Variants in TNFSF4 observed in about 807,000 individuals in gnomAD.
The protein encoded by TNFSF4 is TNF superfamily member 4.
Under a neutral mutation model 7.3 loss-of-function variants are expected in TNFSF4, and 4 were observed. That is an observed-to-expected ratio of 0.55 (90% CI 0.27 to 1.25). The LOEUF is 1.25. TNFSF4 is among the 50% of genes most tolerant of loss of function. The probability of loss-of-function intolerance (pLI) is 0.12; values close to 1 mark genes in which losing one functional copy is unlikely to be tolerated. For missense variants in TNFSF4, 181 were observed against 208.8 expected (o/e 0.87, Z 0.82); for synonymous variants, 76 against 83.7 (o/e 0.91, Z 0.50).
chr1:173,184,921 C>A lies in TNFSF4; in HGVS notation c.*1595G>T, dbSNP rs563951984. ...ATTCCTCTTACCTTACCTACAATTT[C>A]TTCTATTTAGCATTTTTATTTACCT... On this transcript the variant is annotated 3_prime_UTR_variant, in exon 3 of 3. Coordinates refer to ENST00000281834, the MANE Select transcript of TNFSF4 (RefSeq NM_003326.5). The A allele has an allele frequency of 6.6e-6, 1 of 152,262 alleles. No individual in the cohort carries two copies. The highest frequency in any genetic ancestry group is 2.4e-5 in the African/African-American group (1 of 41,554). 9.4% of individuals were successfully genotyped at this position (152,262 alleles called of 1,614,324 possible).
chr1:173,348,430 G>C, the TNFSF4 span, among the ~76,000 whole-genome samples: 1 of 152,076 alleles, frequency 6.6e-6, no homozygotes, highest in Non-Finnish European at 1.5e-5. Context: ...TCTTTCTTTT[G>C]TAAATTGCCC....
chr1:173,251,752 A>G, the TNFSF4 span, among the ~76,000 whole-genome samples: 1 of 152,226 alleles, frequency 6.6e-6, no homozygotes, highest in South Asian at 2.1e-4. Context: ...TACCTGGGAA[A>G]TTGTCAATAA....
chr1:173,426,391 A>C, the TNFSF4 span, among the ~76,000 whole-genome samples: 10 of 152,158 alleles, frequency 6.6e-5, no homozygotes, highest in Non-Finnish European at 2.9e-5. Flanking sequence ...CTGCTTCTTT[A>C]GTTCAAAATA....
At chr1:173,335,449 C>T in the TNFSF4 span, among the ~76,000 whole-genome samples, 8 of 152,190 alleles carry the variant, frequency 5.3e-5, no homozygotes, top group East Asian at 9.6e-4. Flanking sequence ...TACCTAAATG[C>T]AATGGAGGTA....
At chr1:173,375,833 G>A in the TNFSF4 span, among the ~76,000 whole-genome samples, 12 of 152,188 alleles carry the variant, frequency 7.9e-5, no homozygotes, top group East Asian at 3.9e-4. Context: ...TTGTTCTTTC[G>A]CTCTTCACAA....
chr1:173,243,797 G>C, the TNFSF4 span, among the ~76,000 whole-genome samples: 2 of 152,096 alleles, frequency 1.3e-5, no homozygotes, highest in Non-Finnish European at 2.9e-5. Flanking sequence ...TCATATCCCT[G>C]TCTTCCCCAT....
chr1:173,255,456 T>G, the TNFSF4 span, among the ~76,000 whole-genome samples: 1 of 152,198 alleles, frequency 6.6e-6, no homozygotes, highest in African/African-American at 2.4e-5. Flanking sequence ...GGAGAAGTAT[T>G]ATTTAGGTTT....
At chr1:173,351,156 C>G in the TNFSF4 span, among the ~76,000 whole-genome samples, 1 of 152,352 alleles carries the variant, frequency 6.6e-6, no homozygotes, top group East Asian at 1.9e-4. Context: ...TCTCTCTCCT[C>G]ACATCCTGAG....
At chr1:173,434,137 A>G in the TNFSF4 span, among the ~76,000 whole-genome samples, 6 of 152,250 alleles carry the variant, frequency 3.9e-5, no homozygotes, top group African/African-American at 9.6e-5. Flanking sequence ...CACCAGAATC[A>G]TAAGACACAC....
At chr1:173,208,416 G>A (rs1310448287), upstream of TNFSF4, among the ~76,000 whole-genome samples, 2 of 152,096 alleles carry the variant, frequency 1.3e-5, no homozygotes, top group African/African-American at 4.8e-5. Context: ...AGTATGAGTT[G>A]TTATACCACT....
At chr1:173,227,798 A>C in the TNFSF4 span, among the ~76,000 whole-genome samples, 150,307 of 152,366 alleles carry the variant, frequency 0.99, 74,145 homozygotes, top group East Asian at 1. Context: ...TATCCCACGC[A>C]TGGCTTGGAG....
At chr1:173,361,020 G>A in the TNFSF4 span, among the ~76,000 whole-genome samples, 2 of 152,194 alleles carry the variant, frequency 1.3e-5, no homozygotes, top group Non-Finnish European at 2.9e-5. Flanking sequence ...GAAAGATAGA[G>A]AGATGAAGAA....
At chr1:173,208,046 A>G (rs1308924846), upstream of TNFSF4, among the ~76,000 whole-genome samples, 1 of 152,212 alleles carries the variant, frequency 6.6e-6, no homozygotes, top group East Asian at 1.9e-4. Context: ...CCATGAATGA[A>G]CAAATGAATA....
chr1:173,407,826 T>C, the TNFSF4 span, among the ~76,000 whole-genome samples: 1 of 152,042 alleles, frequency 6.6e-6, no homozygotes, highest in Non-Finnish European at 1.5e-5. Context: ...GGTTTGACAG[T>C]TTTTATCCCC....
the TNFSF4 span, among the ~76,000 whole-genome samples, chr1:173,227,587 G>A: frequency 6.6e-6 from 1 of 152,014 alleles, no homozygotes; most frequent in Non-Finnish European, 1.5e-5. Flanking sequence ...AGCACAGTGG[G>A]TGCAGAGCAG....
At chr1:173,260,234 C>T in the TNFSF4 span, among the ~76,000 whole-genome samples, 1 of 152,108 alleles carries the variant, frequency 6.6e-6, no homozygotes, top group Admixed American at 6.5e-5. Flanking sequence ...TCTTATCCAA[C>T]CAAATGAAGC....
At position 173,185,454 on chromosome 1, in the gene TNFSF4, G is replaced by C. The variant is rs891342871; in HGVS notation, c.*1062C>G. The C allele has an allele frequency of 2.0e-5, 3 of 152,134 alleles. No homozygotes were observed. Among genetic ancestry groups the C allele is most frequent in the African/African-American group, 7.2e-5 (3 of 41,428 alleles). 9.4% of individuals were successfully genotyped at this position (152,134 alleles called of 1,614,324 possible). A position where few individuals can be genotyped will look rare whatever the true frequency, so the allele number is the denominator to read the frequency against. On this transcript the variant is annotated 3_prime_UTR_variant, in exon 3 of 3. Transcript: ENST00000281834. The stretch of plus-strand genomic sequence containing the variant: ...ATGGTCTATGGTATTTCTAGACAGA[G>C]ATCATTATTTTTCATAAGGCACAAT...
chr1:173,327,088 G>A, the TNFSF4 span, among the ~76,000 whole-genome samples: 1 of 152,138 alleles, frequency 6.6e-6, no homozygotes, highest in Non-Finnish European at 1.5e-5. Flanking sequence ...AACAAAGCTG[G>A]AGGCATCATG....
the TNFSF4 span, among the ~76,000 whole-genome samples, chr1:173,274,691 A>T: frequency 6.6e-6 from 1 of 152,138 alleles, no homozygotes; most frequent in Non-Finnish European, 1.5e-5. Flanking sequence ...GAATTCAGAG[A>T]TTCAAATGTT....
Sources: allele counts gnomAD v4.1 joint callset (sites outside exome capture counted in the v4.1 genomes callset), GRCh38; gene constraint gnomAD v4.1.1; transcripts MANE v1.5; gene names NCBI Gene and HGNC (gene_info 2026-07-23, HGNC 2026-07-21).